The following CAPN2 variants were observed in gnomAD, a reference collection of about 807,000 sequenced individuals.
The protein encoded by CAPN2 is calpain 2, also known as calpain-2 catalytic subunit.
In CAPN2, 92 loss-of-function variants were observed where a neutral mutation model predicts 102.3. That is an observed-to-expected ratio of 0.90 (90% confidence interval 0.76 to 1.07). The LOEUF (loss-of-function observed/expected upper bound fraction) is 1.07, where lower values mean the gene tolerates loss of function less well. Ranked by LOEUF, CAPN2 falls within the 50% of genes least tolerant of loss-of-function variation. CAPN2 has a pLI of 0.00. For missense variants in CAPN2, 800 were observed against 909.4 expected (o/e 0.88, Z 1.55); for synonymous variants, 340 against 355.4 (o/e 0.96, Z 0.49).
chr1:223,730,339 ATT>A (rs59202117), intron 2 of CAPN2, among the ~76,000 whole-genome samples: 1 of 56,620 alleles, frequency 1.8e-5, no homozygotes, highest in East Asian at 3.9e-4. Context: ...ATATTATGAG[ATT>A]TTTTTTTTTT....
intron 2 of CAPN2, among the ~76,000 whole-genome samples, chr1:223,742,518 A>ATTTTT (rs199697766): frequency 2.6e-5 from 3 of 114,424 alleles, no homozygotes; most frequent in Non-Finnish European, 3.5e-5. Flanking sequence ...ATATATATAT[A>ATTTTT]TTTTTTTTTT....
At position 223,719,939 on chromosome 1, in the gene CAPN2, C is replaced by T. The variant is rs1261833666; in HGVS notation, c.307+2108C>T. On this transcript the variant is annotated intron_variant, in intron 2 of 20. Transcript: ENST00000295006. Reference sequence around the variant, plus strand: ...TGTGAAATGTGGTATACTGTACTCTCACCCTGATTCTGGCACCTGGCCAGC... The same window carrying T: ...TGTGAAATGTGGTATACTGTACTCTTACCCTGATTCTGGCACCTGGCCAGC... Among the ~76,000 whole-genome samples the T allele has an allele frequency of 6.6e-5, 10 of 152,304 alleles. No homozygotes were observed. The East Asian group carries it at 1.9e-3, about 29-fold the overall frequency.
At chr1:223,752,606 C>T (rs1158894311) in intron 8 of CAPN2, among the ~76,000 whole-genome samples, 190 bp from the exon 9 acceptor site, 3 of 152,206 alleles carry the variant, frequency 2.0e-5, no homozygotes, top group Non-Finnish European at 4.4e-5. Context: ...CTCAAAGTCA[C>T]CCAGCTAGAA....
rs1237383386 is a variant in CAPN2, at chr1:223,756,854, A to T, written c.1306-515A>T. Among the ~76,000 whole-genome samples, 1 of 152,204 alleles carries T rather than the reference A, an allele frequency of 6.6e-6. No homozygotes were observed. The highest frequency in any genetic ancestry group is 1.5e-5 in the Non-Finnish European group (1 of 68,028). On this transcript the variant is annotated intron_variant, in intron 10 of 20. Coordinates refer to ENST00000295006, the MANE Select transcript of CAPN2 (RefSeq NM_001748.5). This position sits in a 1 kb window ranked among gnomAD's most constrained non-coding sequence, Gnocchi z 4.1. ...CCCTCCCACCGGCTTATGGGCTTGG[A>T]AATGCAGCCACGGGCTTTCAGAGTT...
intron 2 of CAPN2, among the ~76,000 whole-genome samples, chr1:223,739,918 C>T (rs188969991): frequency 2.5e-4 from 38 of 152,294 alleles, no homozygotes; most frequent in Admixed American, 2.2e-3. Context: ...TTATTTTATC[C>T]GGACCAGGAT....
At chr1:223,733,077 A>G (rs1660371105) in intron 2 of CAPN2, among the ~76,000 whole-genome samples, 1 of 152,116 alleles carries the variant, frequency 6.6e-6, no homozygotes, top group African/African-American at 2.4e-5. Flanking sequence ...CACTGGGTGT[A>G]ACTGTGACAG....
At position 223,748,053 on chromosome 1, in the gene CAPN2, CT is replaced by C. The variant is rs1347097492; in HGVS notation, c.729+889del. Among the ~76,000 whole-genome samples the C allele has an allele frequency of 3.3e-5, 5 of 152,256 alleles. No individual in the cohort carries two copies. The East Asian group carries it at 9.7e-4, about 29-fold the overall frequency. ...CTGACCACAGGTTCCCTGGGAGCCC[CT>C]GCCACCTGCTGCCCCTGCCACCTTC... On this transcript the variant is annotated intron_variant, in intron 5 of 20. Coordinates refer to ENST00000295006, the MANE Select transcript of CAPN2 (RefSeq NM_001748.5).
intron 5 of CAPN2, among the ~76,000 whole-genome samples, chr1:223,747,444 A>G (rs1356234176): frequency 2.0e-5 from 3 of 152,208 alleles, no homozygotes; most frequent in African/African-American, 7.2e-5. Context: ...AGAGGGTTAT[A>G]TTCCCTTCCT....
intron 7 of CAPN2, among the ~76,000 whole-genome samples, chr1:223,751,577 T>G (rs1660898754): frequency 6.7e-6 from 1 of 150,232 alleles, no homozygotes; most frequent in Non-Finnish European, 1.5e-5. Context: ...CAGGTCCTTC[T>G]GCTCCGTGGA....
At chr1:223,714,187 C>G (rs1214411746) in intron 1 of CAPN2, among the ~76,000 whole-genome samples, 1 of 152,202 alleles carries the variant, frequency 6.6e-6, no homozygotes, top group Non-Finnish European at 1.5e-5. Flanking sequence ...ATAGCATTGT[C>G]ACAGTTTAGA....
Position 223,759,075 on chromosome 1 carries a change from T to TGTC in CAPN2, c.1318-189_1318-187dup. ...AAAAATTTTGTTGTTTTGTTGTTGTTGTCGTCGTTATATAGATGAGGGCTT... is the reference window on the plus strand; with the variant it reads ...AAAAATTTTGTTGTTTTGTTGTTGTTGTCGTCGTCGTTATATAGATGAGGGCTT... On this transcript the variant is annotated intron_variant, in intron 11 of 20. Transcript: ENST00000295006. This position sits in a 1 kb window ranked among gnomAD's most constrained non-coding sequence, Gnocchi z 4.6. 3 of 607,602 alleles carry TGTC rather than the reference T, an allele frequency of 4.9e-6. No homozygotes were observed. The highest frequency in any genetic ancestry group is 8.9e-6 in the Non-Finnish European group (3 of 338,762). The allele number at this position is 607,602 out of a possible 1,614,324, so 37.6% of individuals were successfully genotyped here.
chr1:223,775,679 G>A lies in CAPN2; in HGVS notation c.*822G>A, dbSNP rs551838527. The A allele has an allele frequency of 6.5e-6, 1 of 152,788 alleles. No homozygotes were observed. The highest frequency in any genetic ancestry group is 2.4e-5 in the African/African-American group (1 of 41,586). The allele number at this position is 152,788 out of a possible 1,614,324, so 9.5% of individuals were successfully genotyped here. A position where few individuals can be genotyped will look rare whatever the true frequency, so the allele number is the denominator to read the frequency against. The stretch of plus-strand genomic sequence containing the variant: ...ACCACCACTAGTGTCTGTCCATGGA[G>A]TTAGAGGGGACATCACTTAGAAGTT... On this transcript the variant is annotated 3_prime_UTR_variant, in exon 21 of 21. Coordinates refer to ENST00000295006, the MANE Select transcript of CAPN2 (RefSeq NM_001748.5).
chr1:223,757,426 G>A lies in CAPN2; in HGVS notation c.1317+46G>A, dbSNP rs116080803. 2,032 of 1,611,034 alleles carry A rather than the reference G, an allele frequency of 1.3e-3. 40 individuals carry two copies. The African/African-American group carries it at 0.024, about 19-fold the overall frequency. On this transcript the variant is annotated intron_variant, in intron 11 of 20. Coordinates refer to ENST00000295006, the MANE Select transcript of CAPN2 (RefSeq NM_001748.5). ...GGGGTGCTCAGGTCACCAAAAAAGC[G>A]AGAGGCTTAGACTGCTGGAGCTCAG...
chr1:223,732,311 A>G (rs1161283803), intron 2 of CAPN2, among the ~76,000 whole-genome samples: 3 of 152,272 alleles, frequency 2.0e-5, no homozygotes, highest in South Asian at 2.1e-4. Flanking sequence ...AAGGAATAAA[A>G]GAAAATCTAC....
chr1:223,745,831 T>G (rs1660739070), intron 4 of CAPN2, among the ~76,000 whole-genome samples: 2 of 152,172 alleles, frequency 1.3e-5, no homozygotes, highest in South Asian at 4.1e-4. Context: ...GAGAAGGAGC[T>G]CTACTTCCTT....
In CAPN2 at chr1:223,755,118, C is replaced by G. The variant is rs117749805; in HGVS notation, c.1136-362C>G. 2.8e-4 allele frequency among the ~76,000 whole-genome samples: 43 copies of G among 152,282 alleles called. No individual in the cohort carries two copies. The East Asian group carries it at 7.5e-3, about 27-fold the overall frequency. On this transcript the variant is annotated intron_variant, in intron 9 of 20. Coordinates refer to ENST00000295006, the MANE Select transcript of CAPN2 (RefSeq NM_001748.5). This position sits in a 1 kb window ranked among gnomAD's most constrained non-coding sequence, Gnocchi z 4.1. ...CCTAACAAAGCCTGCAGTCCACACT[C>G]CAACCCTGGTGTCTCCCACCTCCTA...
At position 223,726,312 on chromosome 1, in the gene CAPN2, G is replaced by C. The variant is rs1660188520; in HGVS notation, c.307+8481G>C. Among the ~76,000 whole-genome samples, 1 of 152,150 alleles carries C rather than the reference G, an allele frequency of 6.6e-6. No homozygotes were observed. The highest frequency in any genetic ancestry group is 1.5e-5 in the Non-Finnish European group (1 of 68,032). On this transcript the variant is annotated intron_variant, in intron 2 of 20. Transcript: ENST00000295006. This position sits in a 1 kb window ranked among gnomAD's most constrained non-coding sequence, Gnocchi z 4.4. Reference sequence around the variant, plus strand: ...GCAGGGATGGGGAGGAAGAGGGTGGGTTTGCCTGCGCCTGGGGGGAGGGCA... The same window carrying C: ...GCAGGGATGGGGAGGAAGAGGGTGGCTTTGCCTGCGCCTGGGGGGAGGGCA...
chr1:223,726,442 G>A lies in CAPN2; in HGVS notation c.307+8611G>A, dbSNP rs538187997. On this transcript the variant is annotated intron_variant, in intron 2 of 20. Coordinates refer to ENST00000295006, the MANE Select transcript of CAPN2 (RefSeq NM_001748.5). The surrounding 1 kb of genome is among the most constrained non-coding windows in gnomAD (Gnocchi z 4.4). Reference sequence around the variant, plus strand: ...TGGCCCAGGAGGGTCAGGGCTGCAGGGAACAGGGACACAAAAACGACAAAA... The same window carrying A: ...TGGCCCAGGAGGGTCAGGGCTGCAGAGAACAGGGACACAAAAACGACAAAA... Among the ~76,000 whole-genome samples the A allele has an allele frequency of 6.6e-6, 1 of 152,262 alleles. No individual in the cohort carries two copies. The highest frequency in any genetic ancestry group is 6.5e-5 in the Admixed American group (1 of 15,308).
intron 2 of CAPN2, among the ~76,000 whole-genome samples, chr1:223,732,711 T>TCTTA (rs1247943314): frequency 6.6e-6 from 1 of 152,242 alleles, no homozygotes; most frequent in Non-Finnish European, 1.5e-5. Flanking sequence ...TTTACTCAGC[T>TCTTA]CTTATTCAAG....
Sources: allele counts gnomAD v4.1 joint callset (sites outside exome capture counted in the v4.1 genomes callset), GRCh38; gene constraint gnomAD v4.1.1; non-coding constraint Gnocchi (gnomAD v3.1); transcripts MANE v1.5; gene names NCBI Gene and HGNC (gene_info 2026-07-23, HGNC 2026-07-21).